The following ELAPOR1 variants were observed in gnomAD, a reference collection of about 807,000 sequenced individuals.
ELAPOR1 encodes endosome/lysosome-associated apoptosis and autophagy regulator 1.
ELAPOR1 carries 77 observed loss-of-function variants against 119.7 expected under a neutral mutation model. The observed-to-expected ratio is 0.64, with a 90% CI of 0.54 to 0.78. ELAPOR1 has a LOEUF of 0.78. Ranked by LOEUF, ELAPOR1 falls within the 30% of genes least tolerant of loss-of-function variation. The probability of loss-of-function intolerance (pLI) is 0.00; values close to 1 mark genes in which losing one functional copy is unlikely to be tolerated. For synonymous variants in ELAPOR1, 481 were observed against 487.2 expected, an observed-to-expected ratio of 0.99 and a Z score of 0.17; for missense variants, 1,115 against 1,270.4, an observed-to-expected ratio of 0.88 and a Z score of 1.86.
intron 7 of ELAPOR1, among the ~76,000 whole-genome samples, chr1:109,183,240 A>G (rs1248906621): frequency 6.6e-6 from 1 of 150,770 alleles, no homozygotes; most frequent in Non-Finnish European, 1.5e-5. Flanking sequence ...TAATCCCAGC[A>G]CTTTGGGTGG....
intron 1 of ELAPOR1, among the ~76,000 whole-genome samples, chr1:109,144,061 A>ATATATATATTTTTTTTTTTTTTTTTTTT: frequency 4.5e-5 from 4 of 88,990 alleles, no homozygotes; most frequent in African/African-American, 1.4e-4. Context: ...ATATTTATAT[A>ATATATATATTTTTTTTTTTTTTTTTTTT]TTTTTTTTTT....
chr1:109,161,264 G>T (rs1651231263), intron 1 of ELAPOR1, among the ~76,000 whole-genome samples: 1 of 151,964 alleles, frequency 6.6e-6, no homozygotes, highest in Admixed American at 6.6e-5. Flanking sequence ...ACAAAAATTA[G>T]CCTGGCGTGG....
At chr1:109,127,500 C>T (rs1238708892) in intron 1 of ELAPOR1, among the ~76,000 whole-genome samples, 1 of 152,082 alleles carries the variant, frequency 6.6e-6, no homozygotes, top group African/African-American at 2.4e-5. Flanking sequence ...AGGTGTGAGC[C>T]ACCGCACCCA....
intron 1 of ELAPOR1, among the ~76,000 whole-genome samples, chr1:109,118,135 AAAAG>A (rs1349324226): frequency 2.0e-4 from 31 of 152,176 alleles, no homozygotes; most frequent in East Asian, 5.8e-4. Context: ...CTCAAAAAAA[AAAAG>A]AAAGAAAGAA....
At chr1:109,175,826 C>CAAAA (rs55824923) in intron 7 of ELAPOR1, among the ~76,000 whole-genome samples, 1 of 88,452 alleles carries the variant, frequency 1.1e-5, no homozygotes, top group Admixed American at 1.4e-4. Context: ...GACTCAGTCT[C>CAAAA]AAAAAAAAAA....
Position 109,114,313 on chromosome 1 carries a change from C to T in ELAPOR1, c.130C>T (p.Pro44Ser). ...TAFQVTQGTG[P>S]ELHACKESEY... ...CTTCCAGGTGACCCAGGGAACGGGA[C>T]CGGAGCTTCATGCCTGCAAAGAGGT... Residue 44 changes from proline (P) to serine (S), a missense_variant, in exon 1 of 22, where the codon CCG becomes TCG. Physicochemically the swap from Pro to Ser is moderately conservative, Grantham distance 74. Coordinates refer to ENST00000369939, the MANE Select transcript of ELAPOR1 (RefSeq NM_020775.5). 1 of 1,599,444 alleles carries T rather than the reference C, an allele frequency of 6.3e-7. No individual in the cohort carries two copies. The highest frequency in any genetic ancestry group is 8.5e-7 in the Non-Finnish European group (1 of 1,173,184).
chr1:109,155,124 C>T (rs1026117360), intron 1 of ELAPOR1, among the ~76,000 whole-genome samples: 2 of 152,326 alleles, frequency 1.3e-5, no homozygotes, highest in South Asian at 4.1e-4. Flanking sequence ...GAACCTAGCA[C>T]ATAACAGGCC....
chr1:109,166,048 TG>T (rs1235977476), intron 3 of ELAPOR1, among the ~76,000 whole-genome samples: 1 of 152,078 alleles, frequency 6.6e-6, no homozygotes, highest in African/African-American at 2.4e-5. Context: ...CCCGAGTAGC[TG>T]GGACTGCAGG....
In ELAPOR1 at chr1:109,164,606, G is replaced by T. The variant is rs768488611; in HGVS notation, c.382G>T (p.Asp128Tyr). 1.2e-6 allele frequency: 2 copies of T among 1,614,276 alleles called. No homozygotes were observed. Among genetic ancestry groups the T allele is most frequent in the Non-Finnish European group, 8.5e-7 (1 of 1,180,046 alleles). Residue 128 changes from aspartate (D) to tyrosine (Y), a missense_variant, in exon 3 of 22, where the codon GAT becomes TAT. Asp to Tyr is a radical substitution (Grantham distance 160). Coordinates refer to ENST00000369939, the MANE Select transcript of ELAPOR1 (RefSeq NM_020775.5). ...CACAGGCATTCGGTTTGATGAGTGG[G>T]ATGAGCTGCCCCATGGCTTTGCCAG... ...LGTGIRFDEW[D>Y]ELPHGFASLS... is the part of the protein sequence containing the mutation.
intron 1 of ELAPOR1, among the ~76,000 whole-genome samples, chr1:109,147,513 A>G (rs1024528293): frequency 2.0e-5 from 3 of 152,198 alleles, no homozygotes; most frequent in African/African-American, 4.8e-5. Context: ...CTGTATTATA[A>G]CTATATACTA....
rs1198933603 is a variant in ELAPOR1, at chr1:109,200,083, C to T, written c.2653C>T (p.Pro885Ser). 6.2e-7 allele frequency: 1 copy of T among 1,614,070 alleles called. No homozygotes were observed. The highest frequency in any genetic ancestry group is 2.2e-5 in the East Asian group (1 of 44,894). Residue 885 changes from proline (P) to serine (S), a missense_variant, in exon 20 of 22, where the codon CCC (proline) becomes TCC (serine). Physicochemically the swap from Pro to Ser is moderately conservative, Grantham distance 74. Transcript: ENST00000369939. Reference sequence around the variant, plus strand: ...GAAGACTACTTACGTGTGGCGAGAACCCAAGCTATGCTCTGGTGGCATTTC... The same window carrying T: ...GAAGACTACTTACGTGTGGCGAGAATCCAAGCTATGCTCTGGTGGCATTTC... ...IQKTTYVWRE[P>S]KLCSGGISLP...
chr1:109,146,684 A>T (rs1650198168), intron 1 of ELAPOR1, among the ~76,000 whole-genome samples: 4 of 152,172 alleles, frequency 2.6e-5, no homozygotes, highest in African/African-American at 9.7e-5. Context: ...TAACCTTGTG[A>T]TTGTTCTCGA....
Position 109,194,528 on chromosome 1 carries a change from G to A in ELAPOR1, c.2055G>A (p.Gly685=). ...ALANTVTLAG[G]PSFTSKGLKY... ...CAAACACTGTCACTCTTGCTGGAGG[G>A]CCAAGCTTCACTTCCAAAGGGCTGA... The change falls in exon 15 of 22, where the codon GGG becomes GGA. Residue 685 remains glycine (G), a synonymous_variant. Transcript: ENST00000369939. 1 of 1,613,926 alleles carries A rather than the reference G, an allele frequency of 6.2e-7. No individual in the cohort carries two copies. Among genetic ancestry groups the A allele is most frequent in the Non-Finnish European group, 8.5e-7 (1 of 1,179,810 alleles).
Position 109,202,389 on chromosome 1 carries a change from G to A in ELAPOR1, c.2974-555G>A, listed in dbSNP as rs537171475. ...CCTGCTTTGGCCTCCCAAAGTGCTG[G>A]GATCACAGGTGTGAGCCACTGTGCC... On this transcript the variant is annotated intron_variant, in intron 21 of 21. Transcript: ENST00000369939. Among the ~76,000 whole-genome samples, 420 of 151,420 alleles carry A rather than the reference G, an allele frequency of 2.8e-3. 3 individuals carry two copies. Among genetic ancestry groups the A allele is most frequent in the Non-Finnish European group, 3.9e-3 (265 of 67,884 alleles).
chr1:109,202,525 T>G (rs1047033332), intron 21 of ELAPOR1, among the ~76,000 whole-genome samples: 1 of 151,962 alleles, frequency 6.6e-6, no homozygotes, highest in Non-Finnish European at 1.5e-5. Context: ...TACTGCAACC[T>G]CTGTTCCCGG....
intron 8 of ELAPOR1, 60 bp from the exon 9 acceptor site, chr1:109,188,117 G>C: frequency 6.5e-7 from 1 of 1,542,250 alleles, no homozygotes; most frequent in Non-Finnish European, 8.8e-7. Flanking sequence ...CCTCAAGGTA[G>C]AGTCCCAAAG....
rs57071302 is a variant in ELAPOR1, at chr1:109,196,688, C to CTT, written c.2122-774_2122-773dup. On this transcript the variant is annotated intron_variant, in intron 15 of 21. Transcript: ENST00000369939. ...AAAGGCTGAGACACCAGATTTAGCA[C>CTT]TTTTTTTTTTTTTGAGGTGGAGTCT... Among the ~76,000 whole-genome samples, 772 of 144,854 alleles carry CTT rather than the reference C, an allele frequency of 5.3e-3. 6 individuals are homozygous for CTT. Among genetic ancestry groups the CTT allele is most frequent in the African/African-American group, 0.018 (730 of 39,650 alleles).
chr1:109,163,853 C>T (rs1651413517), intron 2 of ELAPOR1, among the ~76,000 whole-genome samples: 1 of 152,062 alleles, frequency 6.6e-6, no homozygotes, highest in South Asian at 2.1e-4. Flanking sequence ...GCCAGAGGCT[C>T]AAGGGAGAAA....
intron 1 of ELAPOR1, among the ~76,000 whole-genome samples, chr1:109,142,749 CA>C (rs35728354): frequency 6.6e-6 from 1 of 152,058 alleles, no homozygotes; most frequent in Non-Finnish European, 1.5e-5. Context: ...GGCAGTTCCT[CA>C]AAAAGTTAAA....
Sources: allele counts gnomAD v4.1 joint callset (sites outside exome capture counted in the v4.1 genomes callset), GRCh38; gene constraint gnomAD v4.1.1; transcripts MANE v1.5; gene names NCBI Gene and HGNC (gene_info 2026-07-23, HGNC 2026-07-21).